DNAAF5: variants seen among roughly 807,000 people sequenced by gnomAD.
The protein encoded by DNAAF5 is HEAT repeat containing 2.
Under a neutral mutation model 75.8 loss-of-function variants are expected in DNAAF5, and 64 were observed. The observed-to-expected ratio is 0.84, with a 90% confidence interval of 0.69 to 1.04. DNAAF5 has a LOEUF of 1.04. Ranked by LOEUF, DNAAF5 falls within the 50% of genes least tolerant of loss-of-function variation. DNAAF5 has a pLI of 0.00. For missense variants in DNAAF5, 1,269 were observed against 1,178.5 expected (o/e 1.08, Z -1.12); for synonymous variants, 657 against 557.2 (o/e 1.18, Z -2.52).
At chr7:756,708 A>C in intron 5 of DNAAF5, 74 bp from the exon 6 acceptor site, 1 of 1,401,208 alleles carries the variant, frequency 7.1e-7, no homozygotes, top group Non-Finnish European at 1.0e-6. Context: ...CTGGGAGGCC[A>C]CGGCGCCGAG....
intron 12 of DNAAF5, among the ~76,000 whole-genome samples, chr7:782,514 G>C (rs1363320008): frequency 7.1e-6 from 1 of 140,654 alleles, no homozygotes; most frequent in East Asian, 2.2e-4. Flanking sequence ...CCCGTCACGC[G>C]GCGTCAGAAA....
intron 4 of DNAAF5, among the ~76,000 whole-genome samples, chr7:744,846 G>T (rs375522486): frequency 6.6e-6 from 1 of 152,182 alleles, no homozygotes; most frequent in East Asian, 1.9e-4. Flanking sequence ...CAGGTGATCC[G>T]CCTGCCTCAG....
At chr7:737,887 A>T (rs148770460) in intron 2 of DNAAF5, among the ~76,000 whole-genome samples, 1 of 152,054 alleles carries the variant, frequency 6.6e-6, no homozygotes, top group Admixed American at 6.5e-5. Flanking sequence ...AAATGTCTTG[A>T]GGTAGTTTTA....
At chr7:766,774 C>T (rs1782833668) in intron 8 of DNAAF5, among the ~76,000 whole-genome samples, 1 of 152,180 alleles carries the variant, frequency 6.6e-6, no homozygotes, top group Admixed American at 6.5e-5. Context: ...TGTACCACTG[C>T]ACTCCAGCCC....
chr7:728,747 G>T (rs145248762), intron 1 of DNAAF5, among the ~76,000 whole-genome samples: 36 of 152,336 alleles, frequency 2.4e-4, no homozygotes, highest in African/African-American at 8.4e-4. Context: ...TGGGGTATGT[G>T]CTCACTGGTT....
chr7:766,125 T>TG (rs1782813573), intron 8 of DNAAF5, among the ~76,000 whole-genome samples: 1 of 152,184 alleles, frequency 6.6e-6, no homozygotes, highest in African/African-American at 2.4e-5. Flanking sequence ...CCACCATGCC[T>TG]GGTTTAAAAC....
chr7:763,317 C>T (rs35316052), intron 7 of DNAAF5, among the ~76,000 whole-genome samples: 20,802 of 152,226 alleles, frequency 0.14, 1,641 homozygotes, highest in East Asian at 0.28. Flanking sequence ...CTCAGCCCTT[C>T]CTCTGTTCCT....
intron 4 of DNAAF5, among the ~76,000 whole-genome samples, chr7:752,894 C>A (rs1040538653): frequency 6.6e-6 from 1 of 152,124 alleles, no homozygotes; most frequent in Non-Finnish European, 1.5e-5. Context: ...TTTAAATGGG[C>A]AGAAAACAAT....
At chr7:763,236 T>C (rs1782721460) in intron 7 of DNAAF5, among the ~76,000 whole-genome samples, 4 of 152,178 alleles carry the variant, frequency 2.6e-5, no homozygotes, top group Admixed American at 2.6e-4. Flanking sequence ...CTTTGCCTGC[T>C]GGTCATGGGG....
rs762744998 is a variant in DNAAF5, at chr7:775,149, C to T, written c.2226C>T (p.Ile742=). The T allele has an allele frequency of 4.3e-6, 7 of 1,613,994 alleles. No homozygotes were observed. Among genetic ancestry groups the T allele is most frequent in the African/African-American group, 1.3e-5 (1 of 74,920 alleles). The change falls in exon 11 of 13, where the codon ATC becomes ATT. Residue 742 remains isoleucine, a synonymous_variant. Coordinates refer to ENST00000297440, the MANE Select transcript of DNAAF5 (RefSeq NM_017802.4). ...GCATGACGGATCCAGAGAAACTCATCAGGATTTATCCTGGTAGGACATTTC... is the reference window on the plus strand; with the variant it reads ...GCATGACGGATCCAGAGAAACTCATTAGGATTTATCCTGGTAGGACATTTC... The part of the protein sequence containing the change: ...SGGMTDPEKL[I]RIYPELLKRL...
chr7:762,121 G>C (rs1782673371), intron 7 of DNAAF5, among the ~76,000 whole-genome samples: 1 of 152,192 alleles, frequency 6.6e-6, no homozygotes, highest in Non-Finnish European at 1.5e-5. Flanking sequence ...TTTAATGTTA[G>C]GGTCTTCAGC....
In DNAAF5 at chr7:761,742, G is replaced by A. The variant is rs1782651070; in HGVS notation, c.1471-11G>A. 1 of 1,594,078 alleles carries A rather than the reference G, an allele frequency of 6.3e-7. No individual in the cohort carries two copies. The highest frequency in any genetic ancestry group is 8.5e-7 in the Non-Finnish European group (1 of 1,171,250). ...GTACCAAGCTCTGACGGTGCTGCCG[G>A]TCTCTTCCAGGACCTCTACCTGGAG... On this transcript the variant is annotated splice_polypyrimidine_tract_variant and intron_variant, in intron 6 of 12. Coordinates refer to ENST00000297440, the MANE Select transcript of DNAAF5 (RefSeq NM_017802.4).
At position 727,333 on chromosome 7, in the gene DNAAF5, C is replaced by T. The variant is rs886038637; in HGVS notation, c.595+18C>T. 1.4e-4 allele frequency: 179 copies of T among 1,235,398 alleles called. 1 individual carries two copies. Among genetic ancestry groups the T allele is most frequent in the Non-Finnish European group, 1.7e-4 (165 of 980,024 alleles). The allele number at this position is 1,235,398 out of a possible 1,614,324, so 76.5% of individuals were successfully genotyped here. ...CACGCCCGGTGAGCACCCCGGGCCC[C>T]GCTCCCACACGCCACCCCACACTCT... is the stretch of plus-strand genomic sequence containing the variant. On this transcript the variant is annotated intron_variant, in intron 1 of 12. Transcript: ENST00000297440.
At chr7:784,718 G>A (rs1000340129) in intron 12 of DNAAF5, among the ~76,000 whole-genome samples, 1 of 152,216 alleles carries the variant, frequency 6.6e-6, no homozygotes, top group African/African-American at 2.4e-5. Context: ...GAGGTTTGCA[G>A]TCACTGCGGC....
At position 761,742 on chromosome 7, in the gene DNAAF5, G is replaced by C; in HGVS notation, c.1471-11G>C. 6.3e-7 allele frequency: 1 copy of C among 1,594,078 alleles called. No individual in the cohort carries two copies. Among genetic ancestry groups the C allele is most frequent in the Non-Finnish European group, 8.5e-7 (1 of 1,171,250 alleles). On this transcript the variant is annotated splice_polypyrimidine_tract_variant and intron_variant, in intron 6 of 12. Transcript: ENST00000297440. ...GTACCAAGCTCTGACGGTGCTGCCG[G>C]TCTCTTCCAGGACCTCTACCTGGAG...
intron 2 of DNAAF5, among the ~76,000 whole-genome samples, chr7:732,928 C>A (rs1405650414): frequency 2.0e-5 from 3 of 152,122 alleles, no homozygotes; most frequent in Non-Finnish European, 4.4e-5. Context: ...AGATTGAGGT[C>A]TTTAATCTAT....
chr7:761,706 A>G (rs1365985825), intron 6 of DNAAF5, 47 bp from the exon 7 acceptor site: 1 of 1,550,360 alleles, frequency 6.5e-7, no homozygotes, highest in Admixed American at 1.9e-5. Flanking sequence ...GGGTGGGGAC[A>G]CGACCAAATT....
rs1779129512 is a variant in DNAAF5 at position 785,837 on chromosome 7, T to C, written c.*184T>C. On this transcript the variant is annotated 3_prime_UTR_variant, in exon 13 of 13. Transcript: ENST00000297440. ...GCCTCTGAGTGGATTCTGCATGTTA[T>C]GTGATTTGTTCTGTTCATCGAGAGG... 6.1e-6 allele frequency: 4 copies of C among 653,316 alleles called. No individual in the cohort carries two copies. Among genetic ancestry groups the C allele is most frequent in the Non-Finnish European group, 1.0e-5 (4 of 392,810 alleles). 40.5% of individuals were successfully genotyped at this position (653,316 alleles called of 1,614,324 possible). A position where few individuals can be genotyped will look rare whatever the true frequency, so the allele number is the denominator to read the frequency against.
At chr7:769,416 C>A (rs1356939283) in intron 8 of DNAAF5, among the ~76,000 whole-genome samples, 1 of 152,162 alleles carries the variant, frequency 6.6e-6, no homozygotes, top group African/African-American at 2.4e-5. Context: ...CGGGGCGGCC[C>A]TACTGCAGTG....
Sources: allele counts gnomAD v4.1 joint callset (sites outside exome capture counted in the v4.1 genomes callset), GRCh38; gene constraint gnomAD v4.1.1; transcripts MANE v1.5; gene names NCBI Gene and HGNC (gene_info 2026-07-23, HGNC 2026-07-21).